The following ALK variants were observed in gnomAD, a reference collection of about 807,000 sequenced individuals.
ALK encodes the protein ALK receptor tyrosine kinase.
ALK carries 74 observed loss-of-function variants against 163.1 expected under a neutral mutation model. That is an observed-to-expected ratio of 0.45 (90% confidence interval 0.38 to 0.55). The LOEUF (loss-of-function observed/expected upper bound fraction) is 0.55, where lower values mean the gene tolerates loss of function less well. ALK is among the 20% of genes least tolerant of loss of function. The pLI, the probability that ALK is intolerant of heterozygous loss-of-function variation, is 0.00. For synonymous variants in ALK, 960 were observed against 843.2 expected, an observed-to-expected ratio of 1.14 and a Z score of -2.40; for missense variants, 2,063 against 2,105.3, an observed-to-expected ratio of 0.98 and a Z score of 0.39.
intron 3 of ALK, among the ~76,000 whole-genome samples, chr2:29,609,568 A>G (rs1453332034): frequency 6.6e-6 from 1 of 152,196 alleles, no homozygotes; most frequent in Non-Finnish European, 1.5e-5. Context: ...TGTTGCACCA[A>G]TGCAGTGATC....
At chr2:29,533,884 A>G (rs116672868) in intron 3 of ALK, among the ~76,000 whole-genome samples, 2,204 of 152,296 alleles carry the variant, frequency 0.014, 59 homozygotes, top group African/African-American at 0.051. Context: ...AGGAGGAGAC[A>G]GGAGGTCCAG....
rs546351135 is a variant in ALK, at chr2:29,250,205, A to T, written c.2204+900T>A. Among the ~76,000 whole-genome samples the T allele has an allele frequency of 2.4e-4, 36 of 152,300 alleles. No individual in the cohort carries two copies. The Middle Eastern group carries it at 0.014, about 58-fold the overall frequency. On this transcript the variant is annotated intron_variant, in intron 12 of 28. Transcript: ENST00000389048. ...CCCTGCCATGCTCCATGGTGGAGCC[A>T]CGGGAGGCCCTGCCCCAGAACTCTG...
At position 29,829,833 on chromosome 2, in the gene ALK, G is replaced by A. The variant is rs1665314317; in HGVS notation, c.667+90160C>T. On this transcript the variant is annotated intron_variant, in intron 1 of 28. Transcript: ENST00000389048. ...TTCTCAGCCTGCATGGCCCTAACCTGTGAAGCTCTCTCCCTACTGGACTTT... is the reference window on the plus strand; with the variant it reads ...TTCTCAGCCTGCATGGCCCTAACCTATGAAGCTCTCTCCCTACTGGACTTT... Among the ~76,000 whole-genome samples the A allele has an allele frequency of 2.6e-5, 4 of 152,176 alleles. No individual in the cohort carries two copies. In the South Asian group the frequency reaches 8.3e-4, roughly 31 times the overall value.
At chr2:29,645,425 C>T (rs985625852) in intron 3 of ALK, among the ~76,000 whole-genome samples, 1 of 152,110 alleles carries the variant, frequency 6.6e-6, no homozygotes, top group Non-Finnish European at 1.5e-5. Flanking sequence ...AGGAATGTCC[C>T]GCATTTTCAC....
chr2:29,434,366 G>A (rs1005062577), intron 4 of ALK, among the ~76,000 whole-genome samples: 2 of 152,054 alleles, frequency 1.3e-5, no homozygotes, highest in Non-Finnish European at 2.9e-5. Flanking sequence ...AATTAGTCCC[G>A]GGGCCCACTC....
At chr2:29,586,150 A>G (rs1167853307) in intron 3 of ALK, among the ~76,000 whole-genome samples, 7 of 151,210 alleles carry the variant, frequency 4.6e-5, no homozygotes, top group Admixed American at 4.6e-4. Context: ...AATTGCAATC[A>G]TTTTTCATCC....
chr2:29,561,282 C>T (rs1674015610), intron 3 of ALK, among the ~76,000 whole-genome samples: 2 of 152,290 alleles, frequency 1.3e-5, no homozygotes, highest in East Asian at 1.9e-4. Flanking sequence ...AGAGATTGTG[C>T]TTCCTCTCTT....
chr2:29,347,485 G>C (rs959412895), intron 5 of ALK, among the ~76,000 whole-genome samples: 2 of 152,238 alleles, frequency 1.3e-5, no homozygotes, highest in African/African-American at 4.8e-5. Context: ...ACTCTGAGCT[G>C]CTGGGAGCAG....
chr2:29,787,124 A>C (rs1406284321), intron 1 of ALK, among the ~76,000 whole-genome samples: 1 of 152,194 alleles, frequency 6.6e-6, no homozygotes, highest in Non-Finnish European at 1.5e-5. Context: ...AAGGGAATGG[A>C]AGCCCCCTCA....
At position 29,489,459 on chromosome 2, in the gene ALK, C is replaced by G. The variant is rs552769311; in HGVS notation, c.1154+42456G>C. On this transcript the variant is annotated intron_variant, in intron 4 of 28. Coordinates refer to ENST00000389048, the MANE Select transcript of ALK (RefSeq NM_004304.5). ...GGACTACAGGTGCACACCACCTTGC[C>G]CAACTAAGTTTTAATTTTTCTGTAG... Among the ~76,000 whole-genome samples the G allele has an allele frequency of 3.9e-5, 6 of 152,214 alleles. No homozygotes were observed. In the South Asian group the frequency reaches 6.2e-4, roughly 16 times the overall value.
chr2:29,283,094 C>T (rs939084351), intron 9 of ALK, among the ~76,000 whole-genome samples: 18 of 152,234 alleles, frequency 1.2e-4, no homozygotes, highest in East Asian at 7.7e-4. Flanking sequence ...ACTCGACCTA[C>T]AGTCAAATGC....
intron 3 of ALK, among the ~76,000 whole-genome samples, chr2:29,638,303 C>T (rs1304665836): frequency 6.6e-6 from 1 of 152,186 alleles, no homozygotes; most frequent in East Asian, 1.9e-4. Context: ...GACTGTACAT[C>T]AACACATAGT....
At chr2:29,217,197 T>G (rs1165747765) in intron 23 of ALK, among the ~76,000 whole-genome samples, 3 of 150,906 alleles carry the variant, frequency 2.0e-5, no homozygotes, top group Non-Finnish European at 3.0e-5. Flanking sequence ...ATGTGTGGTG[T>G]TTTGTGTGTG....
Position 29,447,655 on chromosome 2 carries a change from G to A in ALK, c.1155-63796C>T, listed in dbSNP as rs539644038. 1.4e-4 allele frequency among the ~76,000 whole-genome samples: 22 copies of A among 152,322 alleles called. No homozygotes were observed. The South Asian group carries it at 4.6e-3, about 32-fold the overall frequency. ...TTCAATAGCACCTTTCATAGAAAGA[G>A]AGTGGCTGGGGGAGAGGTGGAGGGG... is the stretch of plus-strand genomic sequence containing the variant. On this transcript the variant is annotated intron_variant, in intron 4 of 28. Transcript: ENST00000389048.
At chr2:29,516,890 A>G (rs981216893) in intron 4 of ALK, among the ~76,000 whole-genome samples, 1 of 152,246 alleles carries the variant, frequency 6.6e-6, no homozygotes, top group Non-Finnish European at 1.5e-5. Context: ...CTTGTTTTCT[A>G]TCTCTGGTCA....
At chr2:29,367,646 G>T (rs569456571) in intron 5 of ALK, among the ~76,000 whole-genome samples, 1 of 152,348 alleles carries the variant, frequency 6.6e-6, no homozygotes, top group South Asian at 2.1e-4. Context: ...GTACATAATT[G>T]ATCAGCTCCC....
At chr2:29,206,198 C>A (rs1669304322) in intron 26 of ALK, among the ~76,000 whole-genome samples, 1 of 151,824 alleles carries the variant, frequency 6.6e-6, no homozygotes, top group Non-Finnish European at 1.5e-5. Flanking sequence ...CTCCCTCCCT[C>A]CCTTTCTTCT....
At chr2:29,678,870 G>A (rs984412122) in intron 3 of ALK, among the ~76,000 whole-genome samples, 2 of 151,712 alleles carry the variant, frequency 1.3e-5, no homozygotes, top group African/African-American at 2.4e-5. Flanking sequence ...TCGTTAGGTG[G>A]AAAGGTGTTT....
chr2:29,714,613 C>T (rs1679195922), intron 2 of ALK, among the ~76,000 whole-genome samples: 1 of 152,166 alleles, frequency 6.6e-6, no homozygotes. Context: ...CGACCTCCCA[C>T]CAGGATGCAG....
Sources: gnomAD v4.1 joint callset for allele counts (sites outside exome capture counted in the v4.1 genomes callset) on GRCh38, gnomAD v4.1.1 for gene constraint, MANE v1.5 for transcripts, NCBI Gene and HGNC (gene_info 2026-07-23, HGNC 2026-07-21) for gene names.